BBS9: variants seen among roughly 807,000 people sequenced by gnomAD.
BBS9 encodes the protein protein PTHB1.
Under a neutral mutation model 117.7 loss-of-function variants are expected in BBS9, and 89 were observed. That is an observed-to-expected ratio of 0.76 (90% CI 0.64 to 0.90). The LOEUF (loss-of-function observed/expected upper bound fraction) is 0.90. Among genes scored for constraint, BBS9 ranks in the 40% least tolerant of loss-of-function variants. The pLI, the probability that BBS9 is intolerant of heterozygous loss-of-function variation, is 0.00. For missense variants in BBS9, 982 were observed against 1,042.2 expected (o/e 0.94, Z 0.80); for synonymous variants, 379 against 370.9 (o/e 1.02, Z -0.25).
chr7:33,325,899 C>G (rs1453116352), intron 9 of BBS9, among the ~76,000 whole-genome samples: 1 of 152,108 alleles, frequency 6.6e-6, no homozygotes, highest in Non-Finnish European at 1.5e-5. Context: ...CACAAGGACT[C>G]CCATGGCCAC....
intron 21 of BBS9, among the ~76,000 whole-genome samples, chr7:33,557,462 C>G (rs1236601296): frequency 6.6e-6 from 1 of 152,092 alleles, no homozygotes; most frequent in Non-Finnish European, 1.5e-5. Flanking sequence ...TCAAAGGTAC[C>G]ATACTTTGAT....
chr7:33,358,018 C>T (rs568573892), intron 16 of BBS9, 23 bp downstream of exon 16: 5 of 1,606,622 alleles, frequency 3.1e-6, no homozygotes, highest in Middle Eastern at 1.7e-4. Context: ...AAATAACATG[C>T]CTGCAGCATC....
intron 17 of BBS9, among the ~76,000 whole-genome samples, chr7:33,370,044 T>C (rs1822558515): frequency 6.6e-6 from 1 of 152,160 alleles, no homozygotes; most frequent in African/African-American, 2.4e-5. Flanking sequence ...GCGATTTTAG[T>C]TCCTTTTTCT....
chr7:33,371,180 T>C (rs1258233994), intron 17 of BBS9, among the ~76,000 whole-genome samples: 1 of 152,184 alleles, frequency 6.6e-6, no homozygotes, highest in African/African-American at 2.4e-5. Context: ...AAAAAGACAG[T>C]TCCTTTAATA....
At chr7:33,283,874 T>C (rs1337109425) in intron 9 of BBS9, among the ~76,000 whole-genome samples, 1 of 152,148 alleles carries the variant, frequency 6.6e-6, no homozygotes, top group Non-Finnish European at 1.5e-5. Flanking sequence ...CTGTTTATTT[T>C]CTCTTTTGCC....
In BBS9 at chr7:33,605,358, A is replaced by T; in HGVS notation, c.*132A>T. ...GCTCACCTTCCTGGAGATGACATGC[A>T]TAGAAAGAGGGGTTGGGACTTTTTA... On this transcript the variant is annotated 3_prime_UTR_variant, in exon 23 of 23. Coordinates refer to ENST00000242067, the MANE Select transcript of BBS9 (RefSeq NM_198428.3). The T allele has an allele frequency of 5.3e-6, 5 of 951,772 alleles. 1 individual carries two copies. In the South Asian group the frequency reaches 6.6e-5, roughly 13 times the overall value. 59.0% of individuals were successfully genotyped at this position (951,772 alleles called of 1,614,324 possible).
intron 5 of BBS9, among the ~76,000 whole-genome samples, chr7:33,214,968 C>T (rs10228486): frequency 0.2 from 30,974 of 152,102 alleles, 3,917 homozygotes; most frequent in Admixed American, 0.35. Context: ...CCAAGGCGGG[C>T]GATCACGAGG....
chr7:33,399,684 G>A (rs1239650247), intron 19 of BBS9, among the ~76,000 whole-genome samples: 1 of 152,136 alleles, frequency 6.6e-6, no homozygotes, highest in East Asian at 1.9e-4. Flanking sequence ...GGGACTTAGG[G>A]ATCATCTAGT....
At chr7:33,445,536 T>C (rs1407888459) in intron 19 of BBS9, among the ~76,000 whole-genome samples, 1 of 152,202 alleles carries the variant, frequency 6.6e-6, no homozygotes, top group Non-Finnish European at 1.5e-5. Flanking sequence ...GATTGAGAAA[T>C]TGAGGTATAA....
At chr7:33,280,175 T>A (rs1049655993) in intron 9 of BBS9, among the ~76,000 whole-genome samples, 1 of 152,216 alleles carries the variant, frequency 6.6e-6, no homozygotes. Flanking sequence ...CTTATTTAAA[T>A]TTTTTTAAAC....
chr7:33,287,779 T>C (rs747436568), intron 9 of BBS9, among the ~76,000 whole-genome samples: 1 of 152,198 alleles, frequency 6.6e-6, no homozygotes, highest in African/African-American at 2.4e-5. Flanking sequence ...GTGTGTGTAA[T>C]ATTTAAGACT....
intron 4 of BBS9, among the ~76,000 whole-genome samples, chr7:33,171,789 G>T (rs188531259): frequency 1.3e-5 from 2 of 152,112 alleles, no homozygotes; most frequent in East Asian, 3.9e-4. Context: ...ATGACCTGAA[G>T]ATTTTAAATT....
At chr7:33,384,234 A>G (rs941673346) in intron 18 of BBS9, among the ~76,000 whole-genome samples, 2 of 152,342 alleles carry the variant, frequency 1.3e-5, no homozygotes, top group South Asian at 2.1e-4. Context: ...CTTTTTTAAC[A>G]AGCATACCAG....
chr7:33,174,108 T>C (rs1255879055), intron 4 of BBS9, among the ~76,000 whole-genome samples: 1 of 152,194 alleles, frequency 6.6e-6, no homozygotes, highest in Non-Finnish European at 1.5e-5. Context: ...CTAGACCCAG[T>C]CCAGTTTCTG....
intron 17 of BBS9, among the ~76,000 whole-genome samples, chr7:33,371,421 C>T (rs1386596131): frequency 3.9e-5 from 6 of 152,054 alleles, no homozygotes; most frequent in Admixed American, 3.9e-4. Flanking sequence ...CAACCAATTT[C>T]AGTAACTCAG....
At chr7:33,400,527 T>G (rs1384739137) in intron 19 of BBS9, among the ~76,000 whole-genome samples, 2 of 152,272 alleles carry the variant, frequency 1.3e-5, no homozygotes, top group South Asian at 4.1e-4. Flanking sequence ...ACAACCCTTA[T>G]AACCCTCACA....
chr7:33,162,380 A>T (rs1794995311), intron 4 of BBS9, among the ~76,000 whole-genome samples: 1 of 151,946 alleles, frequency 6.6e-6, no homozygotes, highest in South Asian at 2.1e-4. Flanking sequence ...TATTGGTTAT[A>T]TGCCATTGGT....
intron 19 of BBS9, among the ~76,000 whole-genome samples, chr7:33,472,431 A>T (rs886118003): frequency 3.3e-5 from 5 of 152,232 alleles, no homozygotes; most frequent in Admixed American, 3.3e-4. Flanking sequence ...AATACTTGAG[A>T]AAATATCTCT....
chr7:33,223,175 AT>A (rs1421232558), intron 5 of BBS9, among the ~76,000 whole-genome samples: 2 of 151,912 alleles, frequency 1.3e-5, no homozygotes, highest in African/African-American at 4.8e-5. Context: ...TAATTTTTTA[AT>A]TGACAAATAA....
Sources: gnomAD v4.1 joint callset for allele counts (sites outside exome capture counted in the v4.1 genomes callset) on GRCh38, gnomAD v4.1.1 for gene constraint, MANE v1.5 for transcripts, NCBI Gene and HGNC (gene_info 2026-07-23, HGNC 2026-07-21) for gene names.